Variants in CIB1 observed in about 807,000 individuals in gnomAD.
CIB1 encodes calcium and integrin-binding protein 1.
CIB1 carries 19 observed loss-of-function variants against 25.0 expected under a neutral mutation model. The observed-to-expected ratio is 0.76, with a 90% CI of 0.53 to 1.12. The LOEUF (loss-of-function observed/expected upper bound fraction) is 1.12, where lower values mean the gene tolerates loss of function less well. Among genes scored for constraint, CIB1 ranks in the 50% most tolerant of loss-of-function variants. CIB1 has a pLI of 0.00. For missense variants in CIB1, 236 were observed against 242.6 expected, an observed-to-expected ratio of 0.97 and a Z score of 0.18; for synonymous variants, 104 against 98.5, an observed-to-expected ratio of 1.06 and a Z score of -0.33.
upstream of CIB1, among the ~76,000 whole-genome samples, chr15:90,237,138 T>C (rs1467106774): frequency 6.6e-6 from 1 of 151,794 alleles, no homozygotes; most frequent in Non-Finnish European, 1.5e-5. Context: ...TTTTTGTATT[T>C]TTAGTAGAGA....
the CIB1 span, chr15:90,265,060 T>C: frequency 7.0e-7 from 1 of 1,419,602 alleles, no homozygotes; most frequent in Non-Finnish European, 9.3e-7. Flanking sequence ...TGCCACCAAG[T>C]TCCACTTTGA....
At chr15:90,239,305 A>ATGTGTGTGTGTGTGTGTGTGTGTGTG in the CIB1 span, among the ~76,000 whole-genome samples, 1 of 147,874 alleles carries the variant, frequency 6.8e-6, no homozygotes, top group African/African-American at 2.5e-5. Flanking sequence ...GAGACATAAA[A>ATGTGTGTGTGTGTGTGTGTGTGTGTG]TGTGTGTGTG....
At chr15:90,235,515 A>G (rs1398610555), upstream of CIB1, among the ~76,000 whole-genome samples, 1 of 152,070 alleles carries the variant, frequency 6.6e-6, no homozygotes, top group Non-Finnish European at 1.5e-5. Context: ...CTCTGTCTCA[A>G]AAAATAAAAA....
the CIB1 span, chr15:90,244,247 C>T: frequency 6.6e-6 from 1 of 152,220 alleles, no homozygotes; most frequent in African/African-American, 2.4e-5. Context: ...ACAGTTTGCC[C>T]TCCCTGAGCC....
chr15:90,256,105 A>C, the CIB1 span: 6 of 1,608,402 alleles, frequency 3.7e-6, no homozygotes, highest in Non-Finnish European at 5.1e-6. Context: ...GCCTTGATGC[A>C]CAGAAACCTT....
rs1277076911 is a variant in CIB1 at position 90,230,468 on chromosome 15, C to CA, written c.*15dup. The CA allele has an allele frequency of 3.2e-6, 5 of 1,551,512 alleles. No individual in the cohort carries two copies. The highest frequency in any genetic ancestry group is 4.4e-6 in the Non-Finnish European group (5 of 1,146,986). The stretch of plus-strand genomic sequence containing the variant: ...GGTTCTTGGACAGGGTGCCAGGACA[C>CA]ACGCTGGGGCTGCTGTCACAGGACA... On this transcript the variant is annotated 3_prime_UTR_variant, in exon 7 of 7. Transcript: ENST00000328649.
At chr15:90,241,736 C>T in the CIB1 span, 2 of 1,614,224 alleles carry the variant, frequency 1.2e-6, 1 homozygote, top group South Asian at 2.2e-5. Flanking sequence ...TATGTCGGGC[C>T]ACTGATTATC....
chr15:90,260,367 C>T, the CIB1 span, among the ~76,000 whole-genome samples: 1 of 151,942 alleles, frequency 6.6e-6, no homozygotes, highest in East Asian at 1.9e-4. Flanking sequence ...CGTAATGGTG[C>T]GCGCCTATGG....
the CIB1 span, chr15:90,241,431 C>T: frequency 1.7e-5 from 28 of 1,613,566 alleles, no homozygotes; most frequent in Middle Eastern, 1.6e-4. Flanking sequence ...TGAGCCTGCC[C>T]GCCAGCTCCC....
chr15:90,238,369 G>A (rs1232914023), upstream of CIB1: 1 of 152,196 alleles, frequency 6.6e-6, no homozygotes, highest in Non-Finnish European at 1.5e-5. Context: ...ACGATGTTGT[G>A]CGGCAAATCT....
At chr15:90,258,164 C>A in the CIB1 span, 3 of 1,614,252 alleles carry the variant, frequency 1.9e-6, no homozygotes, top group Non-Finnish European at 2.5e-6. Flanking sequence ...GCCACAACTA[C>A]CGAACCTGTT....
At chr15:90,246,958 G>A in the CIB1 span, among the ~76,000 whole-genome samples, 5 of 151,806 alleles carry the variant, frequency 3.3e-5, no homozygotes, top group South Asian at 1.0e-3. Flanking sequence ...ATTTCCAGGA[G>A]GACCATTTCT....
chr15:90,236,571 G>A (rs995142172), upstream of CIB1, among the ~76,000 whole-genome samples: 7 of 152,082 alleles, frequency 4.6e-5, no homozygotes, highest in African/African-American at 1.7e-4. Context: ...GTCTCACTCT[G>A]TCACCAGGCT....
the CIB1 span, chr15:90,263,026 G>A: frequency 3.2e-5 from 49 of 1,536,144 alleles, no homozygotes; most frequent in African/African-American, 5.7e-4. Flanking sequence ...GGAGGAGCTG[G>A]AGCGGATGAA....
At chr15:90,250,956 C>A in the CIB1 span, 1 of 1,550,126 alleles carries the variant, frequency 6.5e-7, no homozygotes, top group South Asian at 1.2e-5. Context: ...CCTTCAACAT[C>A]TGGAGGAGCT....
the CIB1 span, chr15:90,257,285 A>G: frequency 6.2e-7 from 1 of 1,610,110 alleles, no homozygotes; most frequent in Admixed American, 1.7e-5. Flanking sequence ...CAACCTGGTA[A>G]GGGGACTGGG....
the CIB1 span, among the ~76,000 whole-genome samples, chr15:90,248,718 C>CAA: frequency 7.2e-4 from 20 of 27,790 alleles, 2 homozygotes; most frequent in Non-Finnish European, 1.2e-3. Flanking sequence ...GACCCTGTCT[C>CAA]AAAAAAAAAA....
At chr15:90,263,686 C>T in the CIB1 span, 11 of 615,126 alleles carry the variant, frequency 1.8e-5, no homozygotes, top group East Asian at 1.1e-4. Context: ...CTTCTTCCAA[C>T]GCTCCATCCA....
the CIB1 span, chr15:90,258,475 G>A: frequency 3.2e-6 from 2 of 626,444 alleles, no homozygotes; most frequent in African/African-American, 3.7e-5. Context: ...CTCTACCGTA[G>A]GAATGCAGGT....
Sources: gnomAD v4.1 joint callset for allele counts (sites outside exome capture counted in the v4.1 genomes callset) on GRCh38, gnomAD v4.1.1 for gene constraint, MANE v1.5 for transcripts, NCBI Gene and HGNC (gene_info 2026-07-23, HGNC 2026-07-21) for gene names.